UNKL: variants seen among roughly 807,000 people sequenced by gnomAD.
UNKL encodes putative E3 ubiquitin-protein ligase UNKL.
A neutral mutation model predicts 78.0 loss-of-function variants in UNKL; 60 were observed. The observed-to-expected ratio is 0.77, with a 90% CI of 0.63 to 0.95. The LOEUF (loss-of-function observed/expected upper bound fraction) is 0.95, where lower values mean the gene tolerates loss of function less well. Ranked by LOEUF, UNKL falls within the 40% of genes least tolerant of loss-of-function variation. UNKL has a pLI of 0.00. For synonymous variants in UNKL, 608 were observed against 474.8 expected, an observed-to-expected ratio of 1.28 and a Z score of -3.65; for missense variants, 1,159 against 1,045.7, an observed-to-expected ratio of 1.11 and a Z score of -1.49.
At chr16:1,371,471 C>A in intron 11 of UNKL, 48 bp downstream of exon 11, 1 of 1,519,842 alleles carries the variant, frequency 6.6e-7, no homozygotes, top group Non-Finnish European at 8.8e-7. Flanking sequence ...CAGCACTTGG[C>A]TGTTCAGCGG....
intron 5 of UNKL, chr16:1,398,805 C>T (rs748836622): frequency 1.4e-5 from 21 of 1,546,964 alleles, no homozygotes; most frequent in Non-Finnish European, 1.7e-5. Context: ...CTGCGAGGTG[C>T]CAAACCCACA....
intron 3 of UNKL, 58 bp from the exon 4 acceptor site, chr16:1,401,759 C>A: frequency 6.4e-7 from 1 of 1,556,720 alleles, no homozygotes; most frequent in South Asian, 1.2e-5. Flanking sequence ...AAAGCTGAAA[C>A]GAGGTCACTG....
At chr16:1,406,984 C>A (rs2142249728) in intron 2 of UNKL, among the ~76,000 whole-genome samples, 1 of 151,868 alleles carries the variant, frequency 6.6e-6, no homozygotes, top group East Asian at 2.0e-4. Context: ...ACTAAAAATA[C>A]ACACATACAC....
chr16:1,385,619 G>A (rs570486102), intron 9 of UNKL, among the ~76,000 whole-genome samples: 3 of 152,340 alleles, frequency 2.0e-5, no homozygotes, highest in Admixed American at 6.5e-5. Context: ...TCTGGGGAGT[G>A]TCTCGTGAGC....
At chr16:1,372,092 CAAAAAAAA>C in intron 10 of UNKL, among the ~76,000 whole-genome samples, 1 of 145,554 alleles carries the variant, frequency 6.9e-6, no homozygotes, top group Middle Eastern at 3.5e-3. Flanking sequence ...CCGTCTCAAC[CAAAAAAAA>C]AAAAATACAA....
At chr16:1,397,057 T>C (rs1002594272) in intron 6 of UNKL, 121 bp downstream of exon 6, 12 of 1,102,874 alleles carry the variant, frequency 1.1e-5, no homozygotes, top group Non-Finnish European at 1.3e-5. Context: ...CTTCCCGACC[T>C]GTGCCAGCCC....
At chr16:1,391,284 A>ACACC (rs1449064565) in intron 8 of UNKL, among the ~76,000 whole-genome samples, 1 of 143,112 alleles carries the variant, frequency 7.0e-6, no homozygotes, top group African/African-American at 2.6e-5. Flanking sequence ...ACACACACAC[A>ACACC]TAAGCTCTGC....
intron 10 of UNKL, among the ~76,000 whole-genome samples, chr16:1,381,605 G>T (rs560118109): frequency 6.6e-6 from 1 of 152,156 alleles, no homozygotes; most frequent in East Asian, 1.9e-4. Flanking sequence ...GCACAACAGA[G>T]CAAGAAAAAA....
chr16:1,369,438 C>T (rs1349167478), intron 12 of UNKL, among the ~76,000 whole-genome samples: 1 of 151,686 alleles, frequency 6.6e-6, no homozygotes, highest in African/African-American at 2.4e-5. Flanking sequence ...GGCACAATCT[C>T]AGCTCACTGC....
chr16:1,395,175 T>A (rs569184555), intron 6 of UNKL, among the ~76,000 whole-genome samples: 139 of 144,438 alleles, frequency 9.6e-4, no homozygotes, highest in Non-Finnish European at 1.8e-3. Flanking sequence ...ATTTTTTTTT[T>A]TTTTTTTTTT....
At chr16:1,371,666 A>T (rs2035851664) in intron 10 of UNKL, 55 bp from the exon 11 acceptor site, 3 of 1,517,314 alleles carry the variant, frequency 2.0e-6, no homozygotes, top group Non-Finnish European at 2.7e-6. Flanking sequence ...AGAGCTCAGG[A>T]AGCCTAGCTG....
rs577267354 is a variant in UNKL at position 1,393,078 on chromosome 16, C to T, written c.938-102G>A. Reference sequence around the variant, plus strand: ...CGTCAGGGCCGAGTGTGCGCAGCCTCGTCACAATCATCCCTCAGGGGTGCG... The same window carrying T: ...CGTCAGGGCCGAGTGTGCGCAGCCTTGTCACAATCATCCCTCAGGGGTGCG... On this transcript the variant is annotated intron_variant, in intron 7 of 14. Transcript: ENST00000389221. 4.9e-5 allele frequency: 60 copies of T among 1,231,224 alleles called. No individual in the cohort carries two copies. In the East Asian group the frequency reaches 7.1e-4, roughly 15 times the overall value. 76.3% of individuals were successfully genotyped at this position (1,231,224 alleles called of 1,614,324 possible). A position where few individuals can be genotyped will look rare whatever the true frequency, so the allele number is the denominator to read the frequency against.
rs1402841769 is a variant in UNKL, at chr16:1,387,895, C to A, written c.1087-2510G>T. Among the ~76,000 whole-genome samples, 1 of 151,928 alleles carries A rather than the reference C, an allele frequency of 6.6e-6. No individual in the cohort carries two copies. The highest frequency in any genetic ancestry group is 2.1e-4 in the South Asian group (1 of 4,818). ...GGGCACGGTCCCTACACACAAGCTG[C>A]CCCTGCTCAGTCAGGCTGAGGTTCC... On this transcript the variant is annotated intron_variant, in intron 9 of 14. Transcript: ENST00000389221. This position sits in a 1 kb window ranked among gnomAD's most constrained non-coding sequence, Gnocchi z 4.1.
At chr16:1,370,756 CTGAA>C (rs1567202378) in intron 11 of UNKL, among the ~76,000 whole-genome samples, 2 of 152,182 alleles carry the variant, frequency 1.3e-5, no homozygotes, top group East Asian at 1.9e-4. Flanking sequence ...CACTTTTAGG[CTGAA>C]TGAAAAGATG....
intron 1 of UNKL, 154 bp from the exon 2 acceptor site, chr16:1,414,209 T>G: frequency 2.7e-6 from 2 of 731,410 alleles, no homozygotes; most frequent in South Asian, 2.0e-5. Flanking sequence ...CCCACCCCCA[T>G]CCCGACTCCA....
intron 1 of UNKL, among the ~76,000 whole-genome samples, chr16:1,414,381 T>C (rs1178429090): frequency 2.0e-5 from 3 of 151,502 alleles, no homozygotes; most frequent in Non-Finnish European, 4.4e-5. Context: ...CCCGGGGCGT[T>C]CCTCCCTCCC....
chr16:1,395,605 G>T (rs924708536), intron 6 of UNKL: 1 of 439,886 alleles, frequency 2.3e-6, no homozygotes, highest in East Asian at 7.1e-5. Context: ...TGCCCCTTCC[G>T]CCCCAGGAAC....
chr16:1,367,482 G>GGCCC, intron 13 of UNKL, 133 bp from the exon 14 acceptor site: 1 of 1,030,104 alleles, frequency 9.7e-7, no homozygotes, highest in Non-Finnish European at 1.3e-6. Flanking sequence ...AGACCCCTGC[G>GGCCC]GCCCTCCCTC....
chr16:1,411,360 A>C (rs1438075072), intron 2 of UNKL, among the ~76,000 whole-genome samples: 1 of 151,972 alleles, frequency 6.6e-6, no homozygotes, highest in African/African-American at 2.4e-5. Context: ...TCAAAAACAA[A>C]ATAATAAATA....
Sources: gnomAD v4.1 joint callset for allele counts (sites outside exome capture counted in the v4.1 genomes callset) on GRCh38, gnomAD v4.1.1 for gene constraint, Gnocchi (gnomAD v3.1) non-coding constraint, MANE v1.5 for transcripts, NCBI Gene and HGNC (gene_info 2026-07-23, HGNC 2026-07-21) for gene names.